The following XNDC1N variants were observed in gnomAD, a reference collection of about 807,000 sequenced individuals.
The protein encoded by XNDC1N is protein XNDC1N.
At chr11:71,909,639 A>T in the XNDC1N span, among the ~76,000 whole-genome samples, 2 of 152,132 alleles carry the variant, frequency 1.3e-5, no homozygotes, top group Non-Finnish European at 2.9e-5. Flanking sequence ...CTGAACATTC[A>T]CTAGTAACCG....
the XNDC1N span, among the ~76,000 whole-genome samples, chr11:71,890,707 A>C: frequency 6.6e-6 from 1 of 152,090 alleles, no homozygotes; most frequent in Admixed American, 6.5e-5. Context: ...TATTTGGAGG[A>C]ATATCATCGT....
the XNDC1N span, among the ~76,000 whole-genome samples, chr11:71,889,575 TG>T: frequency 6.6e-6 from 1 of 152,204 alleles, no homozygotes; most frequent in Admixed American, 6.5e-5. Flanking sequence ...GAGCTGCAGT[TG>T]TACTGGCTGT....
chr11:71,919,929 C>CTTTTTTTTTTTTTTTTTTTT, the XNDC1N span, among the ~76,000 whole-genome samples: 3 of 26,630 alleles, frequency 1.1e-4, 1 homozygote, highest in Non-Finnish European at 1.7e-4. Context: ...AAGCAGGCCT[C>CTTTTTTTTTTTTTTTTTTTT]TTTTTTTTTT....
At chr11:71,871,028 G>T in the XNDC1N span, among the ~76,000 whole-genome samples, 4 of 152,132 alleles carry the variant, frequency 2.6e-5, no homozygotes, top group East Asian at 7.7e-4. Flanking sequence ...TCACATCTGG[G>T]TATTTACTGA....
the XNDC1N span, among the ~76,000 whole-genome samples, chr11:71,921,986 C>A: frequency 6.6e-6 from 1 of 151,936 alleles, no homozygotes; most frequent in South Asian, 2.1e-4. Context: ...ATAATGAAAC[C>A]CCATCTCTAC....
At chr11:71,876,069 A>G in the XNDC1N span, among the ~76,000 whole-genome samples, 1 of 152,168 alleles carries the variant, frequency 6.6e-6, no homozygotes, top group Non-Finnish European at 1.5e-5. Context: ...ATCAACAAGA[A>G]GAAAAATAGA....
the XNDC1N span, among the ~76,000 whole-genome samples, chr11:71,889,519 T>C: frequency 6.6e-6 from 1 of 152,184 alleles, no homozygotes; most frequent in Non-Finnish European, 1.5e-5. Flanking sequence ...GGAGGAAGGA[T>C]GGATTCGGTT....
chr11:71,875,608 G>T, the XNDC1N span, among the ~76,000 whole-genome samples: 1 of 151,888 alleles, frequency 6.6e-6, no homozygotes, highest in Non-Finnish European at 1.5e-5. Context: ...TTCCTGAGGG[G>T]GAAAGGGAAA....
At chr11:71,867,616 T>C in the XNDC1N span, among the ~76,000 whole-genome samples, 10 of 152,376 alleles carry the variant, frequency 6.6e-5, no homozygotes, top group South Asian at 1.4e-3. Flanking sequence ...ATTTTCCTAA[T>C]ATTTATTTCT....
chr11:71,890,168 G>A, the XNDC1N span, among the ~76,000 whole-genome samples: 7 of 152,054 alleles, frequency 4.6e-5, no homozygotes, highest in African/African-American at 1.7e-4. Context: ...TAAATTTGAG[G>A]GAATGTTATC....
chr11:71,915,820 G>A, the XNDC1N span, among the ~76,000 whole-genome samples: 2 of 152,200 alleles, frequency 1.3e-5, no homozygotes, highest in East Asian at 3.8e-4. Context: ...TATGGCTAAA[G>A]AGCAAATAGT....
chr11:71,898,637 C>G, the XNDC1N span, among the ~76,000 whole-genome samples: 1 of 152,078 alleles, frequency 6.6e-6, no homozygotes, highest in South Asian at 2.1e-4. Context: ...CAGTATGATT[C>G]CATTTATCTA....
the XNDC1N span, among the ~76,000 whole-genome samples, chr11:71,922,356 G>A: frequency 6.6e-6 from 1 of 152,298 alleles, no homozygotes; most frequent in South Asian, 2.1e-4. Flanking sequence ...AGGCTGGAGT[G>A]CAGTGGCACA....
At chr11:71,890,329 A>G in the XNDC1N span, among the ~76,000 whole-genome samples, 6 of 152,252 alleles carry the variant, frequency 3.9e-5, no homozygotes, top group African/African-American at 1.2e-4. Context: ...GCGAAATTCA[A>G]TGGAATGTCA....
At chr11:71,901,042 C>T in the XNDC1N span, among the ~76,000 whole-genome samples, 15 of 152,190 alleles carry the variant, frequency 9.9e-5, no homozygotes, top group Non-Finnish European at 1.8e-4. Flanking sequence ...TAGAACACAG[C>T]TAGACCAGTG....
At chr11:71,921,207 T>G in the XNDC1N span, among the ~76,000 whole-genome samples, 1 of 152,062 alleles carries the variant, frequency 6.6e-6, no homozygotes, top group East Asian at 1.9e-4. Context: ...TAGGGTATAG[T>G]GCAGTCGCAT....
the XNDC1N span, among the ~76,000 whole-genome samples, chr11:71,900,408 G>A: frequency 6.6e-6 from 1 of 152,026 alleles, no homozygotes; most frequent in Non-Finnish European, 1.5e-5. Flanking sequence ...AGGGTCGGGA[G>A]CCTTGTTTGG....
At chr11:71,873,277 T>A in the XNDC1N span, among the ~76,000 whole-genome samples, 3 of 152,204 alleles carry the variant, frequency 2.0e-5, no homozygotes, top group African/African-American at 7.2e-5. Context: ...TTATACCACT[T>A]TGGCTGCAAT....
At chr11:71,895,586 C>G in the XNDC1N span, among the ~76,000 whole-genome samples, 4 of 151,752 alleles carry the variant, frequency 2.6e-5, no homozygotes, top group African/African-American at 9.7e-5. Flanking sequence ...TTCCGCCCCC[C>G]AAACTGCTGG....
Sources: allele counts gnomAD v4.1 joint callset (sites outside exome capture counted in the v4.1 genomes callset), GRCh38; gene constraint gnomAD v4.1.1; transcripts MANE v1.5; gene names NCBI Gene and HGNC (gene_info 2026-07-23, HGNC 2026-07-21).